NTMT1: variants seen among roughly 807,000 people sequenced by gnomAD.
NTMT1 encodes N-terminal Xaa-Pro-Lys N-methyltransferase 1.
In NTMT1, 8 loss-of-function variants were observed where a neutral mutation model predicts 17.5. The observed-to-expected ratio is 0.46, with a 90% CI of 0.27 to 0.82. NTMT1 has a LOEUF of 0.82. NTMT1 is among the 40% of genes least tolerant of loss of function. The probability of loss-of-function intolerance (pLI) is 0.15; values close to 1 mark genes in which losing one functional copy is unlikely to be tolerated. For synonymous variants in NTMT1, 128 were observed against 126.8 expected, an observed-to-expected ratio of 1.01 and a Z score of -0.06; for missense variants, 221 against 303.5, an observed-to-expected ratio of 0.73 and a Z score of 2.02.
At position 129,620,553 on chromosome 9, in the gene NTMT1, G is replaced by A; in HGVS notation, c.-55+11375G>A. On this transcript the variant is annotated intron_variant, in intron 1 of 3. Transcript: ENST00000372486. The surrounding 1 kb of genome is among the most constrained non-coding windows in gnomAD (Gnocchi z 5.8). ...TTGGGCGCCAGGTCCTGGGCCCCTG[G>A]GCGAAGTCGACGCCAGAACATGCTT... 1 of 1,393,790 alleles carries A rather than the reference G, an allele frequency of 7.2e-7. No homozygotes were observed. Among genetic ancestry groups the A allele is most frequent in the Non-Finnish European group, 9.3e-7 (1 of 1,070,808 alleles). 86.3% of individuals were successfully genotyped at this position (1,393,790 alleles called of 1,614,324 possible). A position where few individuals can be genotyped will look rare whatever the true frequency, so the allele number is the denominator to read the frequency against.
Position 129,618,866 on chromosome 9 carries a change from G to A in NTMT1, c.-55+9688G>A, listed in dbSNP as rs971628038. Among the ~76,000 whole-genome samples the A allele has an allele frequency of 1.8e-4, 14 of 77,870 alleles. 1 individual carries two copies. The South Asian group carries it at 3.2e-3, about 18-fold the overall frequency. The allele number at this position is 77,870 out of a possible 152,430, so 51.1% of individuals were successfully genotyped here. ...CGCCACCACGCCCGGCTAATTTTTTGTGTTTTTTTTTTTTTTTTTGTATAT... is the reference window on the plus strand; with the variant it reads ...CGCCACCACGCCCGGCTAATTTTTTATGTTTTTTTTTTTTTTTTTGTATAT... On this transcript the variant is annotated intron_variant, in intron 1 of 3. Coordinates refer to the NTMT1 transcript ENST00000372486.
intron 1 of NTMT1, among the ~76,000 whole-genome samples, chr9:129,628,013 A>G (rs1450189558): frequency 6.6e-6 from 1 of 152,218 alleles, no homozygotes; most frequent in Non-Finnish European, 1.5e-5. Flanking sequence ...ATGTAGGATC[A>G]CATTTACTGG....
At chr9:129,633,765 C>G (rs1274857145) in intron 2 of NTMT1, 1 of 295,856 alleles carries the variant, frequency 3.4e-6, no homozygotes, top group Non-Finnish European at 6.2e-6. Flanking sequence ...CCCAGGAGTT[C>G]GAGGCTACAG....
At chr9:129,612,422 C>T (rs771274762) in intron 1 of NTMT1, 15 of 1,612,516 alleles carry the variant, frequency 9.3e-6, no homozygotes, top group East Asian at 2.2e-5. Context: ...GCTTCAGGAC[C>T]GACTGCAGCA....
At chr9:129,615,087 T>C (rs1830288901) in intron 1 of NTMT1, among the ~76,000 whole-genome samples, 1 of 152,228 alleles carries the variant, frequency 6.6e-6, no homozygotes, top group Admixed American at 6.5e-5. Flanking sequence ...TCTGCCTTCA[T>C]GGATGTCAAA....
chr9:129,629,412 A>C (rs1831040878), intron 1 of NTMT1, among the ~76,000 whole-genome samples: 1 of 151,170 alleles, frequency 6.6e-6, no homozygotes, highest in Non-Finnish European at 1.5e-5. Flanking sequence ...TTTTTTTGAC[A>C]CAATGTCTCA....
rs556511769 is a variant in NTMT1, at chr9:129,634,902, C to T, written c.416-306C>T. Reference sequence around the variant, plus strand: ...CCAAACTCTTAGCCCAGGTTCACTCCTCCGATCCAAGCCTGGCAGGGGTGG... The same window carrying T: ...CCAAACTCTTAGCCCAGGTTCACTCTTCCGATCCAAGCCTGGCAGGGGTGG... On this transcript the variant is annotated intron_variant, in intron 3 of 3. Coordinates refer to ENST00000372483, the MANE Select transcript of NTMT1 (RefSeq NM_014064.4). 1.6e-4 allele frequency: 63 copies of T among 385,950 alleles called. 1 individual carries two copies. In the East Asian group the frequency reaches 3.4e-3, roughly 21 times the overall value. 23.9% of individuals were successfully genotyped at this position (385,950 alleles called of 1,614,324 possible). A position where few individuals can be genotyped will look rare whatever the true frequency, so the allele number is the denominator to read the frequency against.
intron 1 of NTMT1, among the ~76,000 whole-genome samples, chr9:129,610,937 G>A (rs534628226): frequency 1.3e-5 from 2 of 152,288 alleles, no homozygotes; most frequent in African/African-American, 4.8e-5. Context: ...CGTCCTAGAT[G>A]TGTCTCCACC....
At chr9:129,619,776 G>A in intron 1 of NTMT1, 1 of 1,614,080 alleles carries the variant, frequency 6.2e-7, no homozygotes, top group Non-Finnish European at 8.5e-7. Context: ...GGGACACCGC[G>A]GAGACCCTGG....
chr9:129,611,341 G>T (rs1830110448), intron 1 of NTMT1, among the ~76,000 whole-genome samples: 1 of 152,242 alleles, frequency 6.6e-6, no homozygotes, highest in Admixed American at 6.5e-5. Flanking sequence ...TCTCCAGGGG[G>T]CTGGAACGCA....
In NTMT1 at chr9:129,619,484, C is replaced by T. The variant is rs891568473; in HGVS notation, c.-55+10306C>T. 9 of 1,468,634 alleles carry T rather than the reference C, an allele frequency of 6.1e-6. No individual in the cohort carries two copies. In the East Asian group the frequency reaches 2.1e-4, roughly 33 times the overall value. 91.0% of individuals were successfully genotyped at this position (1,468,634 alleles called of 1,614,324 possible). ...AAAGAAGGAAAGAAATGCCCCTTTC[C>T]TCCACTACCCTACCCTTATCCCGCC... On this transcript the variant is annotated intron_variant, in intron 1 of 3. Coordinates refer to the NTMT1 transcript ENST00000372486.
intron 1 of NTMT1, among the ~76,000 whole-genome samples, chr9:129,629,293 A>T (rs572619928): frequency 6.6e-6 from 1 of 152,212 alleles, no homozygotes; most frequent in Non-Finnish European, 1.5e-5. Flanking sequence ...ACCCAGCTAC[A>T]TGGTGACATT....
chr9:129,610,465 C>T (rs970514974), intron 1 of NTMT1, among the ~76,000 whole-genome samples: 6 of 151,834 alleles, frequency 4.0e-5, no homozygotes, highest in African/African-American at 1.2e-4. Flanking sequence ...ACAACAAAAG[C>T]GAGAGAGAGG....
upstream of NTMT1, among the ~76,000 whole-genome samples, chr9:129,622,913 C>T (rs1467724519): frequency 2.0e-5 from 3 of 152,056 alleles, no homozygotes; most frequent in African/African-American, 7.3e-5. Context: ...CCTGTAGTCC[C>T]AGCTACTTGG....
In NTMT1 at chr9:129,613,075, T is replaced by A. The variant is rs1830166202; in HGVS notation, c.-55+3897T>A. 1.9e-6 allele frequency: 3 copies of A among 1,612,734 alleles called. No homozygotes were observed. The highest frequency in any genetic ancestry group is 2.5e-6 in the Non-Finnish European group (3 of 1,179,888). On this transcript the variant is annotated intron_variant, in intron 1 of 3. Transcript: ENST00000372486. This position sits in a 1 kb window ranked among gnomAD's most constrained non-coding sequence, Gnocchi z 6.2. ...CAGCTGCCAGCAGGGGCTCACCAGCTTCTAGGTCCAGGAGCAAGACCATTT... is the reference window on the plus strand; with the variant it reads ...CAGCTGCCAGCAGGGGCTCACCAGCATCTAGGTCCAGGAGCAAGACCATTT...
At chr9:129,629,317 C>T (rs1013782412) in intron 1 of NTMT1, among the ~76,000 whole-genome samples, 4 of 152,126 alleles carry the variant, frequency 2.6e-5, no homozygotes, top group Non-Finnish European at 4.4e-5. Flanking sequence ...ATTGGTGGCC[C>T]TTTTTCCTGT....
chr9:129,619,698 G>T, intron 1 of NTMT1: 1 of 1,612,140 alleles, frequency 6.2e-7, no homozygotes, highest in Non-Finnish European at 8.5e-7. Context: ...TGGAAACATC[G>T]ATGGCAACCC....
intron 1 of NTMT1, chr9:129,619,431 G>A (rs1257346368): frequency 1.1e-6 from 1 of 920,264 alleles, no homozygotes. Context: ...GTGGATAAAT[G>A]AATACATTCA....
At chr9:129,624,965 C>G (rs73630895), upstream of NTMT1, among the ~76,000 whole-genome samples, 7,743 of 152,232 alleles carry the variant, frequency 0.051, 664 homozygotes, top group African/African-American at 0.18. Flanking sequence ...GAAAAATGAA[C>G]TTAAGATGGA....
Sources: gnomAD v4.1 joint callset for allele counts (sites outside exome capture counted in the v4.1 genomes callset) on GRCh38, gnomAD v4.1.1 for gene constraint, Gnocchi (gnomAD v3.1) non-coding constraint, MANE v1.5 for transcripts, NCBI Gene and HGNC (gene_info 2026-07-23, HGNC 2026-07-21) for gene names.